Variants in CELSR1 observed in about 807,000 individuals in gnomAD.
CELSR1 encodes cadherin EGF LAG seven-pass G-type receptor 1, also known as adhesion G protein-coupled receptor C1.
A neutral mutation model predicts 249.1 loss-of-function variants in CELSR1; 110 were observed. That is an observed-to-expected ratio of 0.44 (90% CI 0.38 to 0.52). The LOEUF is 0.52. CELSR1 is among the 20% of genes least tolerant of loss of function. The pLI, the probability that CELSR1 is intolerant of heterozygous loss-of-function variation, is 0.00. For synonymous variants in CELSR1, 2,113 were observed against 1,900.0 expected (o/e 1.11, Z -2.92); for missense variants, 4,109 against 4,296.4 (o/e 0.96, Z 1.22).
At chr22:46,479,474 G>A (rs546769404) in intron 1 of CELSR1, among the ~76,000 whole-genome samples, 11 of 152,186 alleles carry the variant, frequency 7.2e-5, no homozygotes, top group African/African-American at 2.2e-4. Context: ...AGCTACCCAC[G>A]GTGGCTGAAC....
At chr22:46,501,993 G>A (rs1433045996) in intron 1 of CELSR1, among the ~76,000 whole-genome samples, 2 of 152,042 alleles carry the variant, frequency 1.3e-5, no homozygotes, top group Non-Finnish European at 2.9e-5. Context: ...GGCTGGGCGT[G>A]GTGGTTCAGG....
chr22:46,480,981 A>G (rs1233630723), intron 1 of CELSR1, among the ~76,000 whole-genome samples: 1 of 152,190 alleles, frequency 6.6e-6, no homozygotes, highest in Admixed American at 6.5e-5. Context: ...TCACGCCTGT[A>G]ATCCCAGCAC....
In CELSR1 at chr22:46,408,845, C is replaced by T; in HGVS notation, c.5226+151G>A. The T allele has an allele frequency of 4.7e-6, 3 of 633,430 alleles. No individual in the cohort carries two copies. The highest frequency in any genetic ancestry group is 7.9e-6 in the Non-Finnish European group (3 of 380,166). The allele number at this position is 633,430 out of a possible 1,614,324, so 39.2% of individuals were successfully genotyped here. On this transcript the variant is annotated intron_variant, in intron 9 of 34. Transcript: ENST00000674500. This position sits in a 1 kb window ranked among gnomAD's most constrained non-coding sequence, Gnocchi z 4.6. ...CCAGAGGAAAGAAAGGGCTGATATT[C>T]CCCTTCCCCCTCTTCGGAGAACCCC... is the stretch of plus-strand genomic sequence containing the variant.
At chr22:46,463,068 C>A in intron 2 of CELSR1, 1 of 326,906 alleles carries the variant, frequency 3.1e-6, no homozygotes, top group Non-Finnish European at 6.1e-6. Context: ...CACTTAAAAG[C>A]AACTCATGTC....
At position 46,506,822 on chromosome 22, in the gene CELSR1, G is replaced by A. The variant is rs367795031; in HGVS notation, c.3544+26805C>T. 2.0e-5 allele frequency among the ~76,000 whole-genome samples: 3 copies of A among 152,314 alleles called. No homozygotes were observed. The East Asian group carries it at 5.8e-4, about 29-fold the overall frequency. ...AACAGGAAGCTGAGGCCAAGCCCGG[G>A]GGTGTCTTCTCCACGGTCTGTCACC... On this transcript the variant is annotated intron_variant, in intron 1 of 34. Transcript: ENST00000674500. The surrounding 1 kb of genome is among the most constrained non-coding windows in gnomAD (Gnocchi z 4.1).
Position 46,438,072 on chromosome 22 carries a change from A to G in CELSR1, c.4406+1117T>C, listed in dbSNP as rs374083658. ...CCTGCACGGCCCCCCTGGCAAGCAC[A>G]CGTACACCGCTGGCGACGGAGCAAT... On this transcript the variant is annotated intron_variant, in intron 3 of 34. Coordinates refer to ENST00000674500, the MANE Select transcript of CELSR1 (RefSeq NM_001378328.1). Among the ~76,000 whole-genome samples the G allele has an allele frequency of 2.0e-5, 3 of 152,236 alleles. No individual in the cohort carries two copies. In the East Asian group the frequency reaches 5.8e-4, roughly 29 times the overall value.
chr22:46,532,565 T>C (rs1345816432), intron 1 of CELSR1, among the ~76,000 whole-genome samples: 1 of 152,234 alleles, frequency 6.6e-6, no homozygotes, highest in Non-Finnish European at 1.5e-5. Flanking sequence ...CCAGGGCTCC[T>C]GTGGCAAAGT....
intron 1 of CELSR1, among the ~76,000 whole-genome samples, chr22:46,492,944 G>T (rs1313756649): frequency 6.6e-6 from 1 of 152,094 alleles, no homozygotes; most frequent in Non-Finnish European, 1.5e-5. Context: ...CTCTGGGAGA[G>T]AAAAAGTATG....
Position 46,399,938 on chromosome 22 carries a change from A to G in CELSR1, c.5227-36T>C. 1 of 1,597,368 alleles carries G rather than the reference A, an allele frequency of 6.3e-7. No individual in the cohort carries two copies. The highest frequency in any genetic ancestry group is 1.1e-5 in the South Asian group (1 of 89,880). The stretch of plus-strand genomic sequence containing the variant: ...GAGAGCCACACCGACTGATTGGTAC[A>G]ATGACAATGAAAGAGAAAACATTTT... On this transcript the variant is annotated intron_variant, in intron 9 of 34. Transcript: ENST00000674500. The surrounding 1 kb of genome is among the most constrained non-coding windows in gnomAD (Gnocchi z 5.0).
rs2080517528 is a variant in CELSR1, at chr22:46,506,623, A to G, written c.3544+27004T>C. On this transcript the variant is annotated intron_variant, in intron 1 of 34. Coordinates refer to ENST00000674500, the MANE Select transcript of CELSR1 (RefSeq NM_001378328.1). The surrounding 1 kb of genome is among the most constrained non-coding windows in gnomAD (Gnocchi z 4.1). ...ACCACTTCCTTAGGGTGATGTTTCT[A>G]GGACTTTCAACATCTACATTCTAGA... is the stretch of plus-strand genomic sequence containing the variant. Among the ~76,000 whole-genome samples, 1 of 152,222 alleles carries G rather than the reference A, an allele frequency of 6.6e-6. No homozygotes were observed. Among genetic ancestry groups the G allele is most frequent in the South Asian group, 2.1e-4 (1 of 4,828 alleles).
At position 46,423,193 on chromosome 22, in the gene CELSR1, C is replaced by G. The variant is rs1007512984; in HGVS notation, c.4611+10200G>C. Among the ~76,000 whole-genome samples, 11 of 152,370 alleles carry G rather than the reference C, an allele frequency of 7.2e-5. No individual in the cohort carries two copies. In the South Asian group the frequency reaches 2.3e-3, roughly 32 times the overall value. On this transcript the variant is annotated intron_variant, in intron 5 of 34. Transcript: ENST00000674500. This position sits in a 1 kb window ranked among gnomAD's most constrained non-coding sequence, Gnocchi z 5.6. ...CCTGCTGGAAGATGAGAGGCCCCAG[C>G]TGCCATGGCTAACGGCCAGGTCATA...
Position 46,409,208 on chromosome 22 carries a change from C to A in CELSR1, c.5060-46G>T, listed in dbSNP as rs372718582. ...ACCTCAGGTGTCTCCCGAAATCACA[C>A]GGCCGCGGACTTGGCTGCAGGGGCG... On this transcript the variant is annotated intron_variant, in intron 8 of 34. Coordinates refer to ENST00000674500, the MANE Select transcript of CELSR1 (RefSeq NM_001378328.1). The surrounding 1 kb of genome is among the most constrained non-coding windows in gnomAD (Gnocchi z 9.8). The A allele has an allele frequency of 6.3e-7, 1 of 1,596,976 alleles. No homozygotes were observed. The highest frequency in any genetic ancestry group is 8.5e-7 in the Non-Finnish European group (1 of 1,172,856).
At position 46,488,392 on chromosome 22, in the gene CELSR1, C is replaced by T. The variant is rs2080336074; in HGVS notation, c.3545-24047G>A. ...CCTAAGCCCGCAGCTTCCCTGCTCG[C>T]CTACAGCCGGCGAGTGCAGCACAGG... On this transcript the variant is annotated intron_variant, in intron 1 of 34. Transcript: ENST00000674500. The surrounding 1 kb of genome is among the most constrained non-coding windows in gnomAD (Gnocchi z 4.7). 6.6e-6 allele frequency among the ~76,000 whole-genome samples: 1 copy of T among 152,142 alleles called. No individual in the cohort carries two copies. Among genetic ancestry groups the T allele is most frequent in the African/African-American group, 2.4e-5 (1 of 41,406 alleles).
In CELSR1 at chr22:46,374,282, G is replaced by A. The variant is rs944035509; in HGVS notation, c.7585-1225C>T. Among the ~76,000 whole-genome samples, 1 of 152,174 alleles carries A rather than the reference G, an allele frequency of 6.6e-6. No individual in the cohort carries two copies. Among genetic ancestry groups the A allele is most frequent in the African/African-American group, 2.4e-5 (1 of 41,428 alleles). ...TGGCTGGATGGCTGCTTCAAGTAAT[G>A]CGAAAAGTAAACCCACGAAACCACC... On this transcript the variant is annotated intron_variant, in intron 24 of 34. Coordinates refer to ENST00000674500, the MANE Select transcript of CELSR1 (RefSeq NM_001378328.1). The surrounding 1 kb of genome is among the most constrained non-coding windows in gnomAD (Gnocchi z 4.3).
At position 46,536,439 on chromosome 22, in the gene CELSR1, C is replaced by A. The variant is rs749818697; in HGVS notation, c.732G>T (p.Lys244Asn). 6.2e-7 allele frequency: 1 copy of A among 1,612,048 alleles called. No homozygotes were observed. Among genetic ancestry groups the A allele is most frequent in the Non-Finnish European group, 8.5e-7 (1 of 1,179,588 alleles). Residue 244 changes from lysine to asparagine, a missense_variant, in exon 1 of 35, where the codon AAG becomes AAT. By Grantham distance (94) the Lys-to-Asn change is moderately conservative. Coordinates refer to ENST00000674500, the MANE Select transcript of CELSR1 (RefSeq NM_001378328.1). ...RRGTSGRGSLKFPMPNYQVAL... is the reference protein window; with the variant it reads ...RRGTSGRGSLNFPMPNYQVAL... ...CCACCTGGTAGTTGGGCATCGGAAA[C>A]TTCAGGCTCCCTCTGCCGCTCGTGC...
Position 46,472,633 on chromosome 22 carries a change from G to A in CELSR1, c.3545-8288C>T, listed in dbSNP as rs149110566. 1.1e-3 allele frequency among the ~76,000 whole-genome samples: 165 copies of A among 152,356 alleles called. 1 individual carries two copies. Among genetic ancestry groups the A allele is most frequent in the African/African-American group, 3.7e-3 (155 of 41,586 alleles). ...ATGGGGACGGGTGGCATCAGCTCCC[G>A]GGGCCGTCGGAGCAAAGGGCCGCCG... On this transcript the variant is annotated intron_variant, in intron 1 of 34. Coordinates refer to ENST00000674500, the MANE Select transcript of CELSR1 (RefSeq NM_001378328.1). This position sits in a 1 kb window ranked among gnomAD's most constrained non-coding sequence, Gnocchi z 7.0.
intron 23 of CELSR1, chr22:46,377,465 C>T: frequency 1.6e-6 from 1 of 611,340 alleles, no homozygotes; most frequent in African/African-American, 1.8e-5. Context: ...GGGCCCTGGG[C>T]ATCCCTGGGG....
intron 2 of CELSR1, among the ~76,000 whole-genome samples, chr22:46,443,709 C>A (rs1376957374): frequency 6.6e-6 from 1 of 152,238 alleles, no homozygotes; most frequent in Non-Finnish European, 1.5e-5. Flanking sequence ...TCACAGACAC[C>A]TCACATCCTG....
chr22:46,398,773 C>G lies in CELSR1; in HGVS notation c.5413-136G>C, dbSNP rs1209936073. On this transcript the variant is annotated intron_variant, in intron 10 of 34. Transcript: ENST00000674500. The surrounding 1 kb of genome is among the most constrained non-coding windows in gnomAD (Gnocchi z 7.2). The stretch of plus-strand genomic sequence containing the variant: ...GCAGAGCCTGAGGACATCTGGGCCT[C>G]CAAAGAGAGAGCTGGGCCCAGCTGG... 1 of 639,264 alleles carries G rather than the reference C, an allele frequency of 1.6e-6. No homozygotes were observed. The highest frequency in any genetic ancestry group is 1.9e-5 in the African/African-American group (1 of 53,474). 39.6% of individuals were successfully genotyped at this position (639,264 alleles called of 1,614,324 possible).
Sources: allele counts gnomAD v4.1 joint callset (sites outside exome capture counted in the v4.1 genomes callset), GRCh38; gene constraint gnomAD v4.1.1; non-coding constraint Gnocchi (gnomAD v3.1); transcripts MANE v1.5; gene names NCBI Gene and HGNC (gene_info 2026-07-23, HGNC 2026-07-21).